AFF3: variants seen among roughly 807,000 people sequenced by gnomAD.
The protein encoded by AFF3 is AF4/FMR2 family member 3.
AFF3 carries 32 observed loss-of-function variants against 129.7 expected under a neutral mutation model. The observed-to-expected ratio is 0.25, with a 90% CI of 0.19 to 0.33. The LOEUF (loss-of-function observed/expected upper bound fraction) is 0.33. AFF3 is among the 10% of genes least tolerant of loss of function. AFF3 has a pLI of 1.00. For synonymous variants in AFF3, 644 were observed against 635.4 expected (o/e 1.01, Z -0.20); for missense variants, 1,373 against 1,592.0 (o/e 0.86, Z 2.34).
At chr2:99,757,673 G>C (rs1682234300) in intron 8 of AFF3, among the ~76,000 whole-genome samples, 1 of 152,162 alleles carries the variant, frequency 6.6e-6, no homozygotes, top group African/African-American at 2.4e-5. Context: ...GTGGATCCAA[G>C]ACCTTGTATA....
chr2:99,910,200 G>C (rs1695018014), intron 7 of AFF3, among the ~76,000 whole-genome samples: 1 of 152,088 alleles, frequency 6.6e-6, no homozygotes, highest in African/African-American at 2.4e-5. Flanking sequence ...CAGGAGAAAA[G>C]CACTCTTAAT....
rs571302686 is a variant in AFF3 at position 99,707,496 on chromosome 2, C to A, written c.1091+19581G>T. On this transcript the variant is annotated intron_variant, in intron 11 of 24. Transcript: ENST00000672756. ...AAAAGGTTATCCACGAAGTTTCAAA[C>A]GCGTCTTAGTAACATAAACTGAAGT... The A allele has an allele frequency of 1.0e-5, 10 of 985,276 alleles. No homozygotes were observed. The South Asian group carries it at 2.8e-4, about 28-fold the overall frequency. The allele number at this position is 985,276 out of a possible 1,614,324, so 61.0% of individuals were successfully genotyped here.
chr2:99,870,324 T>C (rs1276300143), intron 7 of AFF3, among the ~76,000 whole-genome samples: 1 of 152,198 alleles, frequency 6.6e-6, no homozygotes, highest in Admixed American at 6.5e-5. Context: ...CTGCATCAAC[T>C]TCCTACACCC....
intron 11 of AFF3, among the ~76,000 whole-genome samples, chr2:99,704,147 C>G (rs1575745387): frequency 6.6e-6 from 1 of 152,182 alleles, no homozygotes; most frequent in East Asian, 1.9e-4. Flanking sequence ...ATCACCATTT[C>G]TTTCATATGA....
At chr2:99,947,613 T>A (rs866709671) in intron 7 of AFF3, among the ~76,000 whole-genome samples, 101 of 101,746 alleles carry the variant, frequency 9.9e-4, no homozygotes, top group African/African-American at 4.0e-3. Context: ...GATAGATAGA[T>A]AGATAGATAG....
In AFF3 at chr2:99,593,892, C is replaced by T. The variant is rs769535841; in HGVS notation, c.1769G>A (p.Arg590His). Residue 590 changes from arginine (R) to histidine (H), a missense_variant, in exon 15 of 25, where the codon CGC becomes CAC. Arg to His is a conservative substitution (Grantham distance 29). Coordinates refer to ENST00000672756, the MANE Select transcript of AFF3 (RefSeq NM_001386135.1). ...RRSAGKKPTR[R>H]TERTSAGDGA... The stretch of plus-strand genomic sequence containing the variant: ...GTCCCCGGCTGAGGTCCTCTCGGTG[C>T]GCCTGGTGGGCTTCTTGCCCGCGGA... The T allele has an allele frequency of 5.4e-6, 8 of 1,492,172 alleles. No individual in the cohort carries two copies. The African/African-American group carries it at 7.2e-5, about 13-fold the overall frequency. The allele number at this position is 1,492,172 out of a possible 1,614,324, so 92.4% of individuals were successfully genotyped here. A position where few individuals can be genotyped will look rare whatever the true frequency, so the allele number is the denominator to read the frequency against.
chr2:99,688,767 TCAGGCCACTG>T (rs1301110549), intron 11 of AFF3, among the ~76,000 whole-genome samples: 1 of 152,032 alleles, frequency 6.6e-6, no homozygotes, highest in Non-Finnish European at 1.5e-5. Context: ...TGCCACCCCC[TCAGGCCACTG>T]CGCCTGGGCA....
intron 2 of AFF3, among the ~76,000 whole-genome samples, chr2:100,120,097 A>G (rs766694856): frequency 2.4e-4 from 37 of 152,240 alleles, no homozygotes; most frequent in Admixed American, 5.2e-4. Flanking sequence ...TTTAATACAT[A>G]GTCCATACGA....
intron 11 of AFF3, among the ~76,000 whole-genome samples, chr2:99,705,747 AC>A (rs1011351391): frequency 8.6e-5 from 13 of 151,816 alleles, no homozygotes; most frequent in African/African-American, 3.1e-4. Context: ...GGTGACGGGC[AC>A]CTGTAATGCC....
intron 14 of AFF3, among the ~76,000 whole-genome samples, chr2:99,595,141 T>C (rs1679157880): frequency 6.6e-6 from 1 of 152,178 alleles, no homozygotes; most frequent in Non-Finnish European, 1.5e-5. Context: ...TCTGTACTTT[T>C]CAGTTGTGTC....
chr2:99,881,080 C>T (rs79948556), intron 7 of AFF3, among the ~76,000 whole-genome samples: 3,934 of 152,132 alleles, frequency 0.026, 162 homozygotes, highest in African/African-American at 0.087. Flanking sequence ...AATATAAACA[C>T]GGCTATTTAG....
At chr2:100,092,025 T>C (rs1270199282) in intron 4 of AFF3, among the ~76,000 whole-genome samples, 5 of 150,672 alleles carry the variant, frequency 3.3e-5, no homozygotes, top group Non-Finnish European at 4.4e-5. Context: ...CCCTAGACAA[T>C]CTTGTCCAAT....
At chr2:99,699,493 A>G (rs1676630426) in intron 11 of AFF3, among the ~76,000 whole-genome samples, 1 of 152,358 alleles carries the variant, frequency 6.6e-6, no homozygotes, top group East Asian at 1.9e-4. Flanking sequence ...CTTCTGCTGT[A>G]GTTAATGATA....
At chr2:99,934,661 C>A (rs370638952) in intron 7 of AFF3, among the ~76,000 whole-genome samples, 42 of 152,262 alleles carry the variant, frequency 2.8e-4, no homozygotes, top group South Asian at 8.3e-4. Flanking sequence ...GGGGAAGAAC[C>A]CTGCCCCCTC....
At chr2:100,051,502 G>T (rs928361411) in intron 4 of AFF3, among the ~76,000 whole-genome samples, 5 of 152,194 alleles carry the variant, frequency 3.3e-5, no homozygotes, top group Non-Finnish European at 7.3e-5. Flanking sequence ...ATGAGGCCAA[G>T]CTTGTTAGGA....
At chr2:99,987,346 A>G (rs578249218) in intron 7 of AFF3, among the ~76,000 whole-genome samples, 1 of 152,340 alleles carries the variant, frequency 6.6e-6, no homozygotes, top group Non-Finnish European at 1.5e-5. Context: ...CACTCCACAG[A>G]TGAGTGTTCA....
intron 7 of AFF3, among the ~76,000 whole-genome samples, chr2:99,945,736 T>G (rs72953781): frequency 0.013 from 2,046 of 152,324 alleles, 34 homozygotes; most frequent in African/African-American, 0.046. Context: ...TATAGATGGC[T>G]CAGCTCTAAA....
At chr2:99,833,280 G>C (rs1486983810) in intron 8 of AFF3, among the ~76,000 whole-genome samples, 3 of 152,144 alleles carry the variant, frequency 2.0e-5, no homozygotes. Flanking sequence ...AGGAAAAAAT[G>C]AGTTCCCTTT....
chr2:99,943,932 A>G (rs1245674501), intron 7 of AFF3, among the ~76,000 whole-genome samples: 1 of 150,666 alleles, frequency 6.6e-6, no homozygotes, highest in Non-Finnish European at 1.5e-5. Flanking sequence ...TTTTTTTGAT[A>G]CAGGGTTTTG....
Sources: allele counts gnomAD v4.1 joint callset (sites outside exome capture counted in the v4.1 genomes callset), GRCh38; gene constraint gnomAD v4.1.1; transcripts MANE v1.5; gene names NCBI Gene and HGNC (gene_info 2026-07-23, HGNC 2026-07-21).